Variants in STARD13 observed in about 807,000 individuals in gnomAD.
STARD13 encodes the protein StAR related lipid transfer domain containing 13.
A neutral mutation model predicts 106.4 loss-of-function variants in STARD13; 62 were observed. The observed-to-expected ratio is 0.58, with a 90% CI of 0.48 to 0.72. The LOEUF is 0.72. Ranked by LOEUF, STARD13 falls within the 30% of genes least tolerant of loss-of-function variation. The pLI, the probability that STARD13 is intolerant of heterozygous loss-of-function variation, is 0.00. For synonymous variants in STARD13, 565 were observed against 553.0 expected (o/e 1.02, Z -0.31); for missense variants, 1,387 against 1,424.0 (o/e 0.97, Z 0.42).
At chr13:33,395,864 C>T in the STARD13 span, among the ~76,000 whole-genome samples, 20 of 152,128 alleles carry the variant, frequency 1.3e-4, no homozygotes, top group Non-Finnish European at 2.1e-4. Context: ...ATTTTAAAGA[C>T]GGGGGTCTCA....
chr13:33,209,467 T>TTTTC (rs953130930), intron 1 of STARD13, among the ~76,000 whole-genome samples: 5 of 151,888 alleles, frequency 3.3e-5, no homozygotes, highest in Non-Finnish European at 7.4e-5. Context: ...CTCTTTTTTT[T>TTTTC]TTCCAAATTC....
chr13:33,231,875 C>G (rs1225068973), intron 1 of STARD13, among the ~76,000 whole-genome samples: 1 of 152,168 alleles, frequency 6.6e-6, no homozygotes, highest in Non-Finnish European at 1.5e-5. Flanking sequence ...GGGATTGGTT[C>G]CAGGCTCCCC....
the STARD13 span, among the ~76,000 whole-genome samples, chr13:33,384,904 C>G: frequency 6.6e-6 from 1 of 151,852 alleles, no homozygotes; most frequent in African/African-American, 2.4e-5. Context: ...ACATATGGAA[C>G]CAAAATGATG....
chr13:33,170,437 T>C (rs950911763), intron 1 of STARD13, among the ~76,000 whole-genome samples: 1 of 152,224 alleles, frequency 6.6e-6, no homozygotes, highest in Admixed American at 6.5e-5. Flanking sequence ...CTGCATTTCA[T>C]TTTTTATGAC....
At chr13:33,373,083 A>G in the STARD13 span, among the ~76,000 whole-genome samples, 1 of 152,148 alleles carries the variant, frequency 6.6e-6, no homozygotes, top group Non-Finnish European at 1.5e-5. Flanking sequence ...CAGGAATTTA[A>G]ATGTTCCTCC....
chr13:33,587,609 T>C, the STARD13 span, among the ~76,000 whole-genome samples: 1 of 152,198 alleles, frequency 6.6e-6, no homozygotes, highest in Non-Finnish European at 1.5e-5. Context: ...AGCTTTAATG[T>C]GCATGGGAAT....
At chr13:33,217,102 C>A (rs187953030) in intron 1 of STARD13, among the ~76,000 whole-genome samples, 1 of 152,148 alleles carries the variant, frequency 6.6e-6, no homozygotes, top group Admixed American at 6.5e-5. Context: ...CCCCAATAAA[C>A]CCTATGTCTC....
the STARD13 span, among the ~76,000 whole-genome samples, chr13:33,546,650 AT>A: frequency 1.3e-3 from 185 of 146,990 alleles, no homozygotes; most frequent in Middle Eastern, 0.011. Flanking sequence ...TGTCGTATTA[AT>A]TTTTTTTTTT....
intron 1 of STARD13, among the ~76,000 whole-genome samples, chr13:33,192,724 C>T (rs1373026140): frequency 3.3e-5 from 5 of 152,100 alleles, no homozygotes; most frequent in East Asian, 1.9e-4. Flanking sequence ...AATGGAGAAA[C>T]GCCATCTCTA....
intron 1 of STARD13, among the ~76,000 whole-genome samples, chr13:33,202,854 G>A (rs971793268): frequency 1.3e-5 from 2 of 152,090 alleles, no homozygotes; most frequent in African/African-American, 2.4e-5. Flanking sequence ...GGCAAAATTC[G>A]CTCACTTCCT....
chr13:33,385,925 ATG>A, the STARD13 span, among the ~76,000 whole-genome samples: 1 of 152,092 alleles, frequency 6.6e-6, no homozygotes, highest in Non-Finnish European at 1.5e-5. Flanking sequence ...CTTAAGCCTA[ATG>A]TGTGAGTCAA....
At chr13:33,229,110 G>C (rs145795953) in intron 1 of STARD13, among the ~76,000 whole-genome samples, 126 of 152,326 alleles carry the variant, frequency 8.3e-4, no homozygotes, top group African/African-American at 2.9e-3. Flanking sequence ...AAAATTGCCA[G>C]CAGCCTGTAT....
At chr13:33,609,105 A>AAAAAAAAAAG in the STARD13 span, among the ~76,000 whole-genome samples, 611 of 133,090 alleles carry the variant, frequency 4.6e-3, 17 homozygotes, top group Non-Finnish European at 7.1e-3. Context: ...AAAAAAAAAA[A>AAAAAAAAAAG]AAATATTGAT....
chr13:33,396,867 C>G, the STARD13 span, among the ~76,000 whole-genome samples: 1 of 152,086 alleles, frequency 6.6e-6, no homozygotes, highest in Non-Finnish European at 1.5e-5. Flanking sequence ...TAAGGTTAGC[C>G]CTATAATCAC....
chr13:33,620,580 G>A, the STARD13 span, among the ~76,000 whole-genome samples: 1 of 151,926 alleles, frequency 6.6e-6, no homozygotes, highest in East Asian at 1.9e-4. Flanking sequence ...ACCATGCCCG[G>A]CCAGAATATG....
intron 1 of STARD13, among the ~76,000 whole-genome samples, chr13:33,194,548 A>G (rs1051648135): frequency 1.3e-5 from 2 of 152,200 alleles, no homozygotes; most frequent in African/African-American, 4.8e-5. Flanking sequence ...TAAACATCAT[A>G]TTTTAAGGTA....
chr13:33,598,528 T>C, the STARD13 span, among the ~76,000 whole-genome samples: 1 of 152,252 alleles, frequency 6.6e-6, no homozygotes, highest in South Asian at 2.1e-4. Flanking sequence ...TTTGCAAGTG[T>C]AGAAACAGTG....
At chr13:33,459,576 T>C in the STARD13 span, among the ~76,000 whole-genome samples, 10 of 152,342 alleles carry the variant, frequency 6.6e-5, no homozygotes, top group East Asian at 1.9e-3. Context: ...TCTGTACAAT[T>C]CTTTGTCTAG....
chr13:33,409,819 A>G, the STARD13 span, among the ~76,000 whole-genome samples: 2 of 152,216 alleles, frequency 1.3e-5, no homozygotes, highest in African/African-American at 4.8e-5. Flanking sequence ...CTTCATTTAT[A>G]TTTACCAGTC....
Sources: gnomAD v4.1 joint callset for allele counts (sites outside exome capture counted in the v4.1 genomes callset) on GRCh38, gnomAD v4.1.1 for gene constraint, MANE v1.5 for transcripts, NCBI Gene and HGNC (gene_info 2026-07-23, HGNC 2026-07-21) for gene names.